KIAA1614: variants seen among roughly 807,000 people sequenced by gnomAD.
KIAA1614 encodes KIAA1614.
In KIAA1614, 76 loss-of-function variants were observed where a neutral mutation model predicts 88.7. That is an observed-to-expected ratio of 0.86 (90% confidence interval 0.71 to 1.04). The LOEUF is 1.04. KIAA1614 is among the 50% of genes least tolerant of loss of function. KIAA1614 has a pLI of 0.00. For missense variants in KIAA1614, 1,553 were observed against 1,582.5 expected (o/e 0.98, Z 0.32); for synonymous variants, 714 against 675.5 (o/e 1.06, Z -0.88).
rs1167743309 is a variant in KIAA1614 at position 180,950,570 on chromosome 1, G to A, written c.*4982G>A. On this transcript the variant is annotated 3_prime_UTR_variant, in exon 9 of 9. Transcript: ENST00000367588. The stretch of plus-strand genomic sequence containing the variant: ...CGCTGCCCTCACTGTCACGGCCTCG[G>A]AAGCCCTGAAGCACTCAGGGTGGTT... 9.4e-7 allele frequency: 1 copy of A among 1,059,908 alleles called. No homozygotes were observed. Among genetic ancestry groups the A allele is most frequent in the Non-Finnish European group, 1.2e-6 (1 of 865,328 alleles). The allele number at this position is 1,059,908 out of a possible 1,614,324, so 65.7% of individuals were successfully genotyped here. A position where few individuals can be genotyped will look rare whatever the true frequency, so the allele number is the denominator to read the frequency against.
chr1:180,945,457 G>A lies in KIAA1614; in HGVS notation c.3442G>A (p.Val1148Met), dbSNP rs752246384. The A allele has an allele frequency of 7.4e-6, 12 of 1,612,588 alleles. No homozygotes were observed. Among genetic ancestry groups the A allele is most frequent in the South Asian group, 3.3e-5 (3 of 90,998 alleles). The change falls in exon 9 of 9, where the codon GTG becomes ATG. Residue 1148 changes from valine to methionine, a missense_variant. By Grantham distance (21) the Val-to-Met change is conservative (BLOSUM62 1). Transcript: ENST00000367588. The part of the protein sequence containing the change: ...RSPGGTFGFC[V>M]ASGNGRPDSG... ...CCCAGGGGGCACTTTCGGCTTCTGC[G>A]TGGCCTCTGGGAATGGGCGCCCAGA...
chr1:180,917,550 A>G (rs910675367), intron 2 of KIAA1614, among the ~76,000 whole-genome samples: 6 of 151,920 alleles, frequency 3.9e-5, no homozygotes, highest in Non-Finnish European at 8.8e-5. Context: ...CACCAATGGG[A>G]TGTACAAGTG....
chr1:180,945,298 C>T lies in KIAA1614; in HGVS notation c.3288-5C>T, dbSNP rs765304459. The T allele has an allele frequency of 6.3e-6, 10 of 1,578,736 alleles. No individual in the cohort carries two copies. The highest frequency in any genetic ancestry group is 2.3e-4 in the Middle Eastern group (1 of 4,368). On this transcript the variant is annotated splice_polypyrimidine_tract_variant and splice_region_variant and intron_variant, in intron 8 of 8. Transcript: ENST00000367588. ...GCCCTCACTGTGTCTCTGGTTCCCT[C>T]GCAGGCCGGCCAAGACTTCACCACG...
intron 7 of KIAA1614, among the ~76,000 whole-genome samples, chr1:180,943,539 T>C (rs1008574097): frequency 2.2e-5 from 3 of 138,542 alleles, no homozygotes; most frequent in African/African-American, 8.0e-5. Context: ...TAGGATTGAA[T>C]GGTAGTAGAT....
rs575391757 is a variant in KIAA1614 at position 180,936,182 on chromosome 1, C to T, written c.2273C>T (p.Ser758Leu). The T allele has an allele frequency of 3.2e-5, 52 of 1,614,044 alleles. No individual in the cohort carries two copies. Among genetic ancestry groups the T allele is most frequent in the South Asian group, 9.9e-5 (9 of 91,078 alleles). ...ACCGCCCCCATGACGCCTGAATCAT[C>T]GGGGCCAGGAGGCCAGGCCCAGGTT... is the stretch of plus-strand genomic sequence containing the variant. ...ATTAPMTPES[S>L]GPGGQAQVTE... is the part of the protein sequence containing the mutation. The change falls in exon 5 of 9, where the codon TCG becomes TTG. Residue 758 changes from serine (S) to leucine (L), a missense_variant. Coordinates refer to ENST00000367588, the MANE Select transcript of KIAA1614 (RefSeq NM_020950.2).
chr1:180,915,889 C>T (rs940450551), intron 1 of KIAA1614, among the ~76,000 whole-genome samples: 5 of 152,158 alleles, frequency 3.3e-5, no homozygotes, highest in Non-Finnish European at 7.4e-5. Flanking sequence ...AATCTAATGC[C>T]TCATGATGTG....
At chr1:180,944,595 C>A in intron 8 of KIAA1614, 79 bp downstream of exon 8, 1 of 1,488,402 alleles carries the variant, frequency 6.7e-7, no homozygotes, top group Non-Finnish European at 9.2e-7. Flanking sequence ...CTTCCTGCCT[C>A]AGCATCATGG....
At chr1:180,943,027 G>GTTTTT (rs1261396134) in intron 7 of KIAA1614, among the ~76,000 whole-genome samples, 4 of 22,324 alleles carry the variant, frequency 1.8e-4, no homozygotes, top group African/African-American at 3.8e-4. Context: ...TAGTTTTTTG[G>GTTTTT]GTTTTTTTTT....
chr1:180,943,027 G>GTTTTTTTTTTTTTT lies in KIAA1614; in HGVS notation c.3160-1362_3160-1361insTTTTTTTTTTTTTT, dbSNP rs1261396134. ...GTTTGCTGGGAGGCTTAGTTTTTTGGGTTTTTTTTTTTTTTTTAAGATGGA... is the reference window on the plus strand; with the variant it reads ...GTTTGCTGGGAGGCTTAGTTTTTTGGTTTTTTTTTTTTTTGTTTTTTTTTTTTTTTTAAGATGGA... On this transcript the variant is annotated intron_variant, in intron 7 of 8. Coordinates refer to ENST00000367588, the MANE Select transcript of KIAA1614 (RefSeq NM_020950.2). 3.7e-3 allele frequency among the ~76,000 whole-genome samples: 82 copies of GTTTTTTTTTTTTTT among 22,332 alleles called. 1 individual carries two copies. Among genetic ancestry groups the GTTTTTTTTTTTTTT allele is most frequent in the African/African-American group, 7.4e-3 (78 of 10,534 alleles). 14.7% of individuals were successfully genotyped at this position (22,332 alleles called of 152,430 possible). A position where few individuals can be genotyped will look rare whatever the true frequency, so the allele number is the denominator to read the frequency against.
At chr1:180,931,682 C>T (rs1290729810) in intron 4 of KIAA1614, among the ~76,000 whole-genome samples, 1 of 152,246 alleles carries the variant, frequency 6.6e-6, no homozygotes, top group East Asian at 1.9e-4. Context: ...ATGTCTGCCT[C>T]TGCAGTGAAT....
chr1:180,942,238 G>A (rs1654484946), intron 7 of KIAA1614, among the ~76,000 whole-genome samples: 1 of 152,302 alleles, frequency 6.6e-6, no homozygotes, highest in South Asian at 2.1e-4. Context: ...AGTGCAGTAC[G>A]CACAATACAT....
rs1384863897 is a variant in KIAA1614 at position 180,936,148 on chromosome 1, T to G, written c.2239T>G (p.Tyr747Asp). The change falls in exon 5 of 9, where the codon TAT (tyrosine) becomes GAT (aspartate). Residue 747 changes from tyrosine (Y) to aspartate (D), a missense_variant. Transcript: ENST00000367588. ...TTCCCGGACTCCATGCAGGACAGCCTATGCCACCACCGCCCCCATGACGCC... is the reference window on the plus strand; with the variant it reads ...TTCCCGGACTCCATGCAGGACAGCCGATGCCACCACCGCCCCCATGACGCC... ...LDSRTPCRTA[Y>D]ATTAPMTPES... 6.2e-7 allele frequency: 1 copy of G among 1,614,082 alleles called. No individual in the cohort carries two copies. Among genetic ancestry groups the G allele is most frequent in the Non-Finnish European group, 8.5e-7 (1 of 1,179,992 alleles).
intron 8 of KIAA1614, 165 bp from the exon 9 acceptor site, chr1:180,945,138 G>A (rs1016509441): frequency 9.2e-6 from 7 of 756,786 alleles, no homozygotes; most frequent in African/African-American, 1.8e-5. Context: ...AAACCCACCA[G>A]TTTTGGCCCT....
intron 3 of KIAA1614, among the ~76,000 whole-genome samples, chr1:180,924,758 A>G (rs1474532000): frequency 1.3e-5 from 2 of 152,126 alleles, no homozygotes; most frequent in Non-Finnish European, 2.9e-5. Context: ...TGTCATTTCA[A>G]ACATGCCTTC....
At chr1:180,939,468 A>G (rs945871585) in intron 6 of KIAA1614, among the ~76,000 whole-genome samples, 5 of 152,118 alleles carry the variant, frequency 3.3e-5, no homozygotes, top group Non-Finnish European at 7.4e-5. Context: ...ACAAGCCCGA[A>G]TCCAGGAGTC....
At chr1:180,927,797 A>C (rs965916162) in intron 3 of KIAA1614, among the ~76,000 whole-genome samples, 8 of 152,076 alleles carry the variant, frequency 5.3e-5, no homozygotes, top group African/African-American at 1.4e-4. Context: ...GGTCCAGCTT[A>C]ATTTCTCTCA....
chr1:180,935,971 G>C lies in KIAA1614; in HGVS notation c.2062G>C (p.Glu688Gln). 1 of 1,614,082 alleles carries C rather than the reference G, an allele frequency of 6.2e-7. No individual in the cohort carries two copies. The highest frequency in any genetic ancestry group is 1.3e-5 in the African/African-American group (1 of 75,062). ...PRADDVEVEN[E>Q]VKEGRGHTPE... is the part of the protein sequence containing the mutation. ...GGCTGATGATGTGGAGGTGGAAAATGAGGTGAAAGAGGGCAGAGGACACAC... is the reference window on the plus strand; with the variant it reads ...GGCTGATGATGTGGAGGTGGAAAATCAGGTGAAAGAGGGCAGAGGACACAC... Residue 688 changes from glutamate (E) to glutamine (Q), a missense_variant, in exon 5 of 9, where the codon GAG becomes CAG. Transcript: ENST00000367588. This position sits in a 1 kb window ranked among gnomAD's most constrained non-coding sequence, Gnocchi z 6.1.
intron 1 of KIAA1614, among the ~76,000 whole-genome samples, chr1:180,914,959 G>C (rs1053343490): frequency 6.7e-6 from 1 of 149,018 alleles, no homozygotes; most frequent in African/African-American, 2.5e-5. Context: ...GAGCCACCGC[G>C]CCTAGCCAAT....
chr1:180,935,326 C>A lies in KIAA1614; in HGVS notation c.1417C>A (p.Arg473Ser). The A allele has an allele frequency of 6.8e-7, 1 of 1,477,874 alleles. No individual in the cohort carries two copies. Among genetic ancestry groups the A allele is most frequent in the South Asian group, 1.4e-5 (1 of 70,656 alleles). The allele number at this position is 1,477,874 out of a possible 1,614,324, so 91.5% of individuals were successfully genotyped here. A position where few individuals can be genotyped will look rare whatever the true frequency, so the allele number is the denominator to read the frequency against. ...CCTGGAGCGGCTGCAGCAGCGCCAG[C>A]GCCAGGTGCTGAGCACCGTGTTGCA... Reference protein sequence around the residue: ...RHLERLQQRQRQVLSTVLQAA... With the variant: ...RHLERLQQRQSQVLSTVLQAA... Residue 473 changes from arginine (R) to serine (S), a missense_variant, in exon 5 of 9, where the codon CGC becomes AGC. Arg to Ser is a moderately radical substitution (Grantham distance 110, BLOSUM62 -1). Coordinates refer to ENST00000367588, the MANE Select transcript of KIAA1614 (RefSeq NM_020950.2). The surrounding 1 kb of genome is among the most constrained non-coding windows in gnomAD (Gnocchi z 6.1).
Sources: allele counts gnomAD v4.1 joint callset (sites outside exome capture counted in the v4.1 genomes callset), GRCh38; gene constraint gnomAD v4.1.1; non-coding constraint Gnocchi (gnomAD v3.1); transcripts MANE v1.5; gene names NCBI Gene and HGNC (gene_info 2026-07-23, HGNC 2026-07-21).